Variants in AFF2 observed in about 807,000 individuals in gnomAD.
AFF2 encodes AF4/FMR2 family member 2.
In AFF2, 14 loss-of-function variants were observed where a neutral mutation model predicts 76.9. The observed-to-expected ratio is 0.18, with a 90% CI of 0.12 to 0.28. The LOEUF is 0.28. AFF2 is among the 10% of genes least tolerant of loss of function. The pLI is 1.00. For synonymous variants in AFF2, 398 were observed against 366.7 expected (o/e 1.09, Z -0.98); for missense variants, 868 against 1,001.1 (o/e 0.87, Z 1.79).
chrX:148,697,694 A>T (rs2054737303), intron 3 of AFF2, among the ~76,000 whole-genome samples: 1 of 110,991 alleles, frequency 9.0e-6, no homozygotes. Flanking sequence ...TAAATTTATA[A>T]TTCTGAACTT....
intron 3 of AFF2, among the ~76,000 whole-genome samples, chrX:148,755,822 A>C (rs1557266851): frequency 9.0e-6 from 1 of 111,507 alleles, no homozygotes; most frequent in African/African-American, 3.3e-5. Flanking sequence ...GGAACACCCA[A>C]ATATCTTCCC....
At chrX:148,582,912 G>A (rs1382226942) in intron 1 of AFF2, among the ~76,000 whole-genome samples, 1 of 111,892 alleles carries the variant, frequency 8.9e-6, no homozygotes, top group African/African-American at 3.2e-5. Flanking sequence ...ATTCAGCCAC[G>A]AAAAAGGATG....
intron 1 of AFF2, among the ~76,000 whole-genome samples, chrX:148,547,802 A>G (rs2052940829): frequency 8.9e-6 from 1 of 111,950 alleles, no homozygotes; most frequent in Non-Finnish European, 1.9e-5. Flanking sequence ...TCAACTTCCC[A>G]AGTGTCCAGG....
intron 1 of AFF2, among the ~76,000 whole-genome samples, chrX:148,636,798 A>G (rs1457048477): frequency 9.8e-6 from 1 of 102,337 alleles, no homozygotes; most frequent in Non-Finnish European, 2.0e-5. Context: ...CACCTATTGT[A>G]AGTACCTTGG....
chrX:148,865,884 G>A (rs1309047517), intron 7 of AFF2, among the ~76,000 whole-genome samples: 1 of 111,836 alleles, frequency 8.9e-6, no homozygotes. Flanking sequence ...AACTTCACTT[G>A]AGTTTAAAAT....
intron 3 of AFF2, among the ~76,000 whole-genome samples, chrX:148,743,363 A>G (rs1352156791): frequency 2.7e-5 from 3 of 112,452 alleles, no homozygotes; most frequent in East Asian, 5.6e-4. Context: ...GTTTTAATTT[A>G]AAAAATAACT....
chrX:148,713,503 G>C (rs782036026), intron 3 of AFF2, among the ~76,000 whole-genome samples: 1 of 112,029 alleles, frequency 8.9e-6, no homozygotes, highest in East Asian at 2.8e-4. Flanking sequence ...AATGTGCCCT[G>C]ATTAAATAAT....
At chrX:148,673,707 T>A (rs2054449613) in intron 3 of AFF2, among the ~76,000 whole-genome samples, 1 of 111,058 alleles carries the variant, frequency 9.0e-6, no homozygotes, top group African/African-American at 3.3e-5. Flanking sequence ...ATAGAGGGAG[T>A]CTATGCTGTG....
intron 3 of AFF2, among the ~76,000 whole-genome samples, chrX:148,784,559 A>G (rs2069789262): frequency 9.0e-6 from 1 of 111,450 alleles, no homozygotes; most frequent in Non-Finnish European, 1.9e-5. Flanking sequence ...GTTCCCCAGT[A>G]CCTAATGCTA....
chrX:148,661,137 T>C lies in AFF2; in HGVS notation c.181-771T>C, dbSNP rs782575872. Among the ~76,000 whole-genome samples, 537 of 112,729 alleles carry C rather than the reference T, an allele frequency of 4.8e-3. 1 individual carries two copies. Among genetic ancestry groups the C allele is most frequent in the Middle Eastern group, 9.2e-3 (2 of 218 alleles). On this transcript the variant is annotated intron_variant, in intron 2 of 20. Coordinates refer to ENST00000370460, the MANE Select transcript of AFF2 (RefSeq NM_002025.4). ...CTTTGAAAAGATAACTTTGTTTTGG[T>C]TTCCTTAAACAACAGTTTAAATACT...
intron 4 of AFF2, among the ~76,000 whole-genome samples, chrX:148,813,699 G>T (rs1421925091): frequency 8.9e-6 from 1 of 111,939 alleles, no homozygotes; most frequent in East Asian, 2.8e-4. Context: ...CGTTCTTCTG[G>T]TCCTGTTGGC....
At chrX:148,669,726 T>C (rs941075990) in intron 3 of AFF2, among the ~76,000 whole-genome samples, 3 of 111,291 alleles carry the variant, frequency 2.7e-5, no homozygotes, top group African/African-American at 9.8e-5. Context: ...CAAGATGAGA[T>C]TTGGGTGGGG....
chrX:148,671,059 C>T (rs1476368487), intron 3 of AFF2, among the ~76,000 whole-genome samples: 2 of 110,776 alleles, frequency 1.8e-5, no homozygotes, highest in Non-Finnish European at 3.8e-5. Context: ...TTCTAGCCAT[C>T]AGCATCCTAA....
intron 8 of AFF2, among the ~76,000 whole-genome samples, chrX:148,898,196 T>A (rs1388034317): frequency 8.9e-6 from 1 of 111,930 alleles, no homozygotes; most frequent in Non-Finnish European, 1.9e-5. Context: ...AAACTCTGGC[T>A]TCCATGGTAG....
intron 3 of AFF2, among the ~76,000 whole-genome samples, chrX:148,790,378 T>C (rs1557269841): frequency 9.0e-6 from 1 of 111,412 alleles, no homozygotes; most frequent in African/African-American, 3.3e-5. Context: ...ATTACAAAGA[T>C]ACATGTACAT....
rs73603941 is a variant in AFF2, at chrX:148,706,498, C to T, written c.1041+43730C>T. ...CATGTCATACGACATTCATGGCACA[C>T]GCTTCCACTACTGTAATACCTTCAC... On this transcript the variant is annotated intron_variant, in intron 3 of 20. Coordinates refer to ENST00000370460, the MANE Select transcript of AFF2 (RefSeq NM_002025.4). Among the ~76,000 whole-genome samples, 245 of 112,512 alleles carry T rather than the reference C, an allele frequency of 2.2e-3. 2 individuals are homozygous for T. Among genetic ancestry groups the T allele is most frequent in the African/African-American group, 7.3e-3 (226 of 31,032 alleles).
In AFF2 at chrX:148,931,343, C is replaced by T. The variant is rs1339517688; in HGVS notation, c.1398-22237C>T. Among the ~76,000 whole-genome samples, 5 of 110,165 alleles carry T rather than the reference C, an allele frequency of 4.5e-5. No individual in the cohort carries two copies. In the East Asian group the frequency reaches 1.4e-3, roughly 31 times the overall value. On this transcript the variant is annotated intron_variant, in intron 9 of 20. Transcript: ENST00000370460. ...ACTGAGTTATTTCATAGTATCTGCC[C>T]ATTGCAGTGCACTGATATTTTAAGT...
chrX:148,835,814 C>T (rs1218392687), intron 4 of AFF2, among the ~76,000 whole-genome samples: 7 of 110,752 alleles, frequency 6.3e-5, no homozygotes, highest in Admixed American at 9.7e-5. Context: ...AACATTCAAA[C>T]TCTGTCTTAG....
chrX:148,960,377 C>T (rs1358571870), intron 12 of AFF2, among the ~76,000 whole-genome samples: 3 of 112,549 alleles, frequency 2.7e-5, no homozygotes, highest in Admixed American at 1.9e-4. Context: ...TTGGCTGCAG[C>T]ACAGCCATGT....
Sources: allele counts gnomAD v4.1 joint callset (sites outside exome capture counted in the v4.1 genomes callset), GRCh38; gene constraint gnomAD v4.1.1; transcripts MANE v1.5; gene names NCBI Gene and HGNC (gene_info 2026-07-23, HGNC 2026-07-21).